The following BCORL1 variants were observed in gnomAD, a reference collection of about 807,000 sequenced individuals.
BCORL1 encodes the protein BCL6 corepressor like 1, also known as BCL-6 corepressor-like protein 1.
Under a neutral mutation model 87.6 loss-of-function variants are expected in BCORL1, and 7 were observed. That is an observed-to-expected ratio of 0.08 (90% CI 0.05 to 0.15). BCORL1 has a LOEUF of 0.15. Ranked by LOEUF, BCORL1 falls within the 10% of genes least tolerant of loss-of-function variation. The pLI is 1.00. For missense variants in BCORL1, 1,215 were observed against 1,499.7 expected (o/e 0.81, Z 3.13); for synonymous variants, 591 against 634.4 (o/e 0.93, Z 1.03).
At chrX:130,023,947 G>C (rs760945058) in intron 6 of BCORL1, among the ~76,000 whole-genome samples, 2 of 112,376 alleles carry the variant, frequency 1.8e-5, no homozygotes, top group Non-Finnish European at 3.8e-5. Context: ...TTGGTCAAGG[G>C]CTACTTACTC....
chrX:129,988,910 G>A lies in BCORL1; in HGVS notation c.-45+6148G>A, dbSNP rs1242733087. Among the ~76,000 whole-genome samples the A allele has an allele frequency of 7.2e-5, 8 of 111,584 alleles. No individual in the cohort carries two copies. The Admixed American group carries it at 7.7e-4, about 11-fold the overall frequency. On this transcript the variant is annotated intron_variant, in intron 1 of 13. Coordinates refer to ENST00000540052, the MANE Select transcript of BCORL1 (RefSeq NM_001379451.1). ...ACCGTATATGACTATGATCGCAGAGGTGAGTTGATGCACTGTATACCTGAA... is the reference window on the plus strand; with the variant it reads ...ACCGTATATGACTATGATCGCAGAGATGAGTTGATGCACTGTATACCTGAA...
At position 130,014,622 on chromosome X, in the gene BCORL1, G is replaced by C; in HGVS notation, c.1850G>C (p.Cys617Ser). Residue 617 changes from cysteine (C) to serine (S), a missense_variant, in exon 4 of 14, where the codon TGC becomes TCC. By Grantham distance (112) the Cys-to-Ser change is moderately radical (BLOSUM62 -1). Coordinates refer to ENST00000540052, the MANE Select transcript of BCORL1 (RefSeq NM_001379451.1). ...CGAGAGATGGCCTCTCCACCTGAGT[G>C]CAGCGAGATGCCCCTTGATCTGTCC... ...LEREMASPPE[C>S]SEMPLDLSSK... 1.7e-6 allele frequency: 2 copies of C among 1,211,427 alleles called. No homozygotes were observed. The highest frequency in any genetic ancestry group is 2.2e-6 in the Non-Finnish European group (2 of 895,469).
chrX:130,019,268 A>G (rs1929642989), intron 4 of BCORL1, among the ~76,000 whole-genome samples: 1 of 112,167 alleles, frequency 8.9e-6, no homozygotes, highest in Non-Finnish European at 1.9e-5. Context: ...GCCCTGCTAG[A>G]TGTTCTGTTT....
chrX:130,052,573 G>A (rs1166672603), intron 13 of BCORL1, among the ~76,000 whole-genome samples: 1 of 112,238 alleles, frequency 8.9e-6, no homozygotes, highest in Non-Finnish European at 1.9e-5. Context: ...TACCTGACAC[G>A]TAACATTAGA....
At chrX:129,996,039 T>C (rs1927540422) in intron 1 of BCORL1, among the ~76,000 whole-genome samples, 1 of 111,139 alleles carries the variant, frequency 9.0e-6, no homozygotes, top group Admixed American at 9.6e-5. Context: ...GATCTCAGTG[T>C]CAGTGGTCTC....
At chrX:130,044,751 C>T (rs1931641504) in intron 11 of BCORL1, among the ~76,000 whole-genome samples, 1 of 110,925 alleles carries the variant, frequency 9.0e-6, no homozygotes, top group African/African-American at 3.3e-5. Context: ...TCAGGTGATC[C>T]GCCTGCCTCG....
intron 11 of BCORL1, among the ~76,000 whole-genome samples, chrX:130,041,278 CAAAAAA>C (rs56172113): frequency 3.0e-5 from 1 of 33,736 alleles, no homozygotes; most frequent in Non-Finnish European, 6.0e-5. Context: ...GACAGTGTCT[CAAAAAA>C]AAAAAAAAAA....
At chrX:130,022,437 G>A (rs1200562131) in intron 5 of BCORL1, among the ~76,000 whole-genome samples, 3 of 107,403 alleles carry the variant, frequency 2.8e-5, no homozygotes, top group East Asian at 5.8e-4. Context: ...TAGTAGAGTC[G>A]GGGTTTCACC....
At chrX:130,045,612 TTTATTTATTTAC>T (rs1303561238) in intron 11 of BCORL1, among the ~76,000 whole-genome samples, 1 of 110,065 alleles carries the variant, frequency 9.1e-6, no homozygotes, top group African/African-American at 3.3e-5. Context: ...TTTATTTTTA[TTTATTTATTTAC>T]TTATTTATTT....
intron 1 of BCORL1, among the ~76,000 whole-genome samples, chrX:129,986,657 A>G (rs920413335): frequency 3.6e-5 from 4 of 110,651 alleles, no homozygotes; most frequent in Admixed American, 9.7e-5. Context: ...CGTTTCTACT[A>G]AAATCACAAA....
Position 130,014,471 on chromosome X carries a change from C to T in BCORL1, c.1699C>T (p.Leu567=), listed in dbSNP as rs35616836. The T allele has an allele frequency of 2.3e-3, 2,838 of 1,209,536 alleles. 43 individuals carry two copies. The African/African-American group carries it at 0.044, about 19-fold the overall frequency. Residue 567 remains leucine (L), a synonymous_variant, in exon 4 of 14, where the codon CTG becomes TTG. Transcript: ENST00000540052. ...SAKVLPTPQP[L]LPAPSGSSAP... is the part of the protein sequence containing the mutation. ...CAAGGTGCTTCCAACTCCACAGCCT[C>T]TGCTGCCAGCCCCCAGTGGGAGCTC...
intron 7 of BCORL1, among the ~76,000 whole-genome samples, chrX:130,026,543 G>C (rs1029030717): frequency 9.8e-5 from 11 of 112,753 alleles, no homozygotes; most frequent in African/African-American, 2.9e-4. Context: ...AGGAGCTTTT[G>C]TGTATCACCT....
intron 11 of BCORL1, among the ~76,000 whole-genome samples, chrX:130,047,840 G>A (rs1041350331): frequency 1.1e-4 from 12 of 111,569 alleles, no homozygotes; most frequent in Non-Finnish European, 2.1e-4. Context: ...GGACAGGCAT[G>A]GTCCCTGTCT....
Position 130,039,172 on chromosome X carries a change from A to G in BCORL1, c.4730A>G (p.Glu1577Gly). The G allele has an allele frequency of 8.3e-7, 1 of 1,211,378 alleles. No homozygotes were observed. ...VHDAVVNDNLETIWLLLSYGA... is the reference protein window; with the variant it reads ...VHDAVVNDNLGTIWLLLSYGA... ...GATGCGGTGGTCAATGACAACCTGG[A>G]GACCATCTGGCTCCTGCTGTCCTAT... Residue 1577 changes from glutamate to glycine, a missense_variant, in exon 11 of 14, where the codon GAG becomes GGG. Glu to Gly is a moderately conservative substitution (Grantham distance 98). Around this residue, in one of 5 missense-constraint regions of BCORL1, gnomAD observed 55 missense variants for 115.1 expected, o/e 0.48. Coordinates refer to ENST00000540052, the MANE Select transcript of BCORL1 (RefSeq NM_001379451.1).
chrX:130,012,732 G>A (rs1929063568), intron 3 of BCORL1, 64 bp downstream of exon 3: 1 of 1,068,048 alleles, frequency 9.4e-7, no homozygotes, highest in Non-Finnish European at 1.3e-6. Context: ...CCTGGGAGGT[G>A]TGCCCAGCCT....
In BCORL1 at chrX:130,014,849, A is replaced by T; in HGVS notation, c.2077A>T (p.Ile693Phe). The part of the protein sequence containing the change: ...TSSPFVIFPE[I>F]VRNGDPSTWV... Reference sequence around the variant, plus strand: ...CTCGCCCTTTGTCATCTTTCCCGAGATCGTGAGGAATGGGGACCCGAGCAC... The same window carrying T: ...CTCGCCCTTTGTCATCTTTCCCGAGTTCGTGAGGAATGGGGACCCGAGCAC... The change falls in exon 4 of 14, where the codon ATC becomes TTC. Residue 693 changes from isoleucine to phenylalanine, a missense_variant. Around this residue, in one of 5 missense-constraint regions of BCORL1, gnomAD observed 861 missense variants for 1,010.0 expected, o/e 0.85. Transcript: ENST00000540052. The T allele has an allele frequency of 8.3e-7, 1 of 1,211,100 alleles. No homozygotes were observed. Among genetic ancestry groups the T allele is most frequent in the Non-Finnish European group, 1.1e-6 (1 of 895,326 alleles).
At chrX:130,016,323 A>G in intron 4 of BCORL1, 110 bp downstream of exon 4, 1 of 979,317 alleles carries the variant, frequency 1.0e-6, no homozygotes, top group Non-Finnish European at 1.4e-6. Flanking sequence ...GCTGTTGGGC[A>G]GCTGTGTGAA....
intron 1 of BCORL1, among the ~76,000 whole-genome samples, chrX:129,999,691 C>T (rs61181089): frequency 3.3e-4 from 34 of 103,064 alleles, no homozygotes; most frequent in African/African-American, 1.1e-3. Flanking sequence ...TTTTCCCCCC[C>T]CCCAGACAGA....
intron 1 of BCORL1, among the ~76,000 whole-genome samples, chrX:129,991,212 T>C (rs1316947064): frequency 9.0e-6 from 1 of 110,998 alleles, no homozygotes; most frequent in Non-Finnish European, 1.9e-5. Flanking sequence ...CTTCTCCTTG[T>C]TTCAAGTGAT....
Sources: gnomAD v4.1 joint callset for allele counts (sites outside exome capture counted in the v4.1 genomes callset) on GRCh38, gnomAD v4.1.1 for gene constraint, gnomAD v4.1.1 regional missense constraint, MANE v1.5 for transcripts, NCBI Gene and HGNC (gene_info 2026-07-23, HGNC 2026-07-21) for gene names.